Variants in PARP14 observed in about 807,000 individuals in gnomAD.
PARP14 encodes the protein poly(ADP-ribose) polymerase family member 14.
Under a neutral mutation model 154.2 loss-of-function variants are expected in PARP14, and 59 were observed. The ratio of observed to expected loss-of-function variants is 0.38; its 90% confidence interval spans 0.31 to 0.48. PARP14 has a LOEUF of 0.48. PARP14 is among the 20% of genes least tolerant of loss of function. PARP14 has a pLI of 0.98. For synonymous variants in PARP14, 720 were observed against 780.5 expected (o/e 0.92, Z 1.29); for missense variants, 1,734 against 2,131.6 (o/e 0.81, Z 3.67).
At position 122,683,040 on chromosome 3, in the gene PARP14, C is replaced by A. The variant is rs530366443; in HGVS notation, c.187+1970C>A. Among the ~76,000 whole-genome samples, 20 of 152,204 alleles carry A rather than the reference C, an allele frequency of 1.3e-4. No homozygotes were observed. In the East Asian group the frequency reaches 3.9e-3, roughly 29 times the overall value. On this transcript the variant is annotated intron_variant, in intron 1 of 16. Transcript: ENST00000474629. ...ACTGCACTCCAGCCTGGCAACAGAG[C>A]AAGACTCCATCTAAAACAAAACAAA...
intron 9 of PARP14, among the ~76,000 whole-genome samples, chr3:122,712,288 G>A (rs1397569999): frequency 2.7e-5 from 4 of 149,050 alleles, no homozygotes; most frequent in Non-Finnish European, 5.9e-5. Flanking sequence ...CTGTTGCCCA[G>A]TCTGGAGTGC....
intron 9 of PARP14, among the ~76,000 whole-genome samples, chr3:122,711,669 T>G (rs1016772941): frequency 6.6e-6 from 1 of 152,206 alleles, no homozygotes; most frequent in African/African-American, 2.4e-5. Flanking sequence ...TACCAATTCT[T>G]TGAATGTCTG....
Position 122,681,209 on chromosome 3 carries a change from G to A in PARP14, c.187+139G>A, listed in dbSNP as rs1576576230. ...CGGAGGTGGCCGGGGCGGGGGCGGGGGCGGGGGCGGCAGAATGGATTCCGA... is the reference window on the plus strand; with the variant it reads ...CGGAGGTGGCCGGGGCGGGGGCGGGAGCGGGGGCGGCAGAATGGATTCCGA... On this transcript the variant is annotated intron_variant, in intron 1 of 16. Coordinates refer to ENST00000474629, the MANE Select transcript of PARP14 (RefSeq NM_017554.3). This position sits in a 1 kb window ranked among gnomAD's most constrained non-coding sequence, Gnocchi z 5.5. 1.8e-6 allele frequency: 1 copy of A among 565,208 alleles called. No individual in the cohort carries two copies. Among genetic ancestry groups the A allele is most frequent in the South Asian group, 2.1e-5 (1 of 48,136 alleles). The allele number at this position is 565,208 out of a possible 1,614,324, so 35.0% of individuals were successfully genotyped here. A position where few individuals can be genotyped will look rare whatever the true frequency, so the allele number is the denominator to read the frequency against.
chr3:122,683,534 A>G (rs1016475289), intron 1 of PARP14, among the ~76,000 whole-genome samples: 2 of 152,228 alleles, frequency 1.3e-5, no homozygotes, highest in Non-Finnish European at 2.9e-5. Context: ...TACTTTACCA[A>G]CATAGTTTGG....
intron 3 of PARP14, among the ~76,000 whole-genome samples, chr3:122,690,792 A>AC (rs1938516839): frequency 6.6e-6 from 1 of 152,184 alleles, no homozygotes; most frequent in South Asian, 2.1e-4. Flanking sequence ...GATTACAGGC[A>AC]TGAGCCACTG....
chr3:122,685,445 A>G, intron 2 of PARP14, 127 bp downstream of exon 2: 1 of 866,244 alleles, frequency 1.2e-6, no homozygotes, highest in East Asian at 2.7e-5. Context: ...AAAGCAGATT[A>G]CAAATGTAGG....
intron 1 of PARP14, among the ~76,000 whole-genome samples, chr3:122,683,064 AAAAC>A (rs902886622): frequency 9.2e-5 from 14 of 152,058 alleles, no homozygotes; most frequent in African/African-American, 2.9e-4. Flanking sequence ...AAACAAAACA[AAAAC>A]AAACAAACAA....
chr3:122,683,330 T>A (rs1443748377), intron 1 of PARP14: 3 of 975,908 alleles, frequency 3.1e-6, no homozygotes, highest in Admixed American at 6.2e-5. Context: ...ATAACCTGAT[T>A]TGATTCATAT....
rs912637371 is a variant in PARP14 at position 122,721,095 on chromosome 3, G to A, written c.4941+707G>A. The stretch of plus-strand genomic sequence containing the variant: ...TTCTTTTCATTTTTGCAGGCACGCT[G>A]TTTCTCTTCCAAACCCCTAATTCTA... On this transcript the variant is annotated intron_variant, in intron 15 of 16. Coordinates refer to ENST00000474629, the MANE Select transcript of PARP14 (RefSeq NM_017554.3). 10 of 335,600 alleles carry A rather than the reference G, an allele frequency of 3.0e-5. No individual in the cohort carries two copies. In the East Asian group the frequency reaches 4.4e-4, roughly 15 times the overall value. 20.8% of individuals were successfully genotyped at this position (335,600 alleles called of 1,614,324 possible).
rs375767532 is a variant in PARP14, at chr3:122,718,091, G to A, written c.4021G>A (p.Asp1341Asn). 2.0e-5 allele frequency: 32 copies of A among 1,613,678 alleles called. No individual in the cohort carries two copies. In the African/African-American group the frequency reaches 3.9e-4, roughly 20 times the overall value. The change falls in exon 13 of 17, where the codon GAT (aspartate) becomes AAT (asparagine). Residue 1341 changes from aspartate to asparagine, a missense_variant. Physicochemically the swap from Asp to Asn is conservative, Grantham distance 23. Transcript: ENST00000474629. ...TCCAGGAAATGCCAAACAACACCCA[G>A]ATAAGGTTGCTGAAGCCATAATTGA... is the stretch of plus-strand genomic sequence containing the variant. ...IGTGNAKQHP[D>N]KVAEAIIDAI...
rs1268955609 is a variant in PARP14 at position 122,730,131 on chromosome 3, TGCAAGAA to T, written c.*1537_*1543del. 7.9e-5 allele frequency: 12 copies of T among 152,130 alleles called. No homozygotes were observed. The highest frequency in any genetic ancestry group is 2.9e-4 in the African/African-American group (12 of 41,418). 9.4% of individuals were successfully genotyped at this position (152,130 alleles called of 1,614,324 possible). ...GAAACTTGAGGAAACATGCTCAGAGTGCAAGAAGCTTCCTTGCCTGAGATCACCTAGA... is the reference window on the plus strand; with the variant it reads ...GAAACTTGAGGAAACATGCTCAGAGTGCTTCCTTGCCTGAGATCACCTAGA... On this transcript the variant is annotated 3_prime_UTR_variant, in exon 17 of 17. Transcript: ENST00000474629.
chr3:122,720,722 C>T (rs965932356), intron 15 of PARP14: 6 of 464,266 alleles, frequency 1.3e-5, no homozygotes, highest in Non-Finnish European at 2.6e-5. Context: ...TGCAGAGGCT[C>T]CTTAGATCAG....
intron 1 of PARP14, among the ~76,000 whole-genome samples, chr3:122,684,293 T>G (rs1438016276): frequency 6.6e-6 from 1 of 152,222 alleles, no homozygotes; most frequent in Non-Finnish European, 1.5e-5. Context: ...TATCTGACTA[T>G]GTTGATCATG....
chr3:122,720,128 C>A, intron 14 of PARP14, 127 bp from the exon 15 acceptor site: 1 of 923,180 alleles, frequency 1.1e-6, no homozygotes, highest in South Asian at 1.7e-5. Context: ...GAAAAGCGTT[C>A]TCCTAGAAAG....
intron 6 of PARP14, among the ~76,000 whole-genome samples, chr3:122,703,111 TC>T (rs1231704756): frequency 6.6e-6 from 1 of 151,882 alleles, no homozygotes; most frequent in Middle Eastern, 3.4e-3. Flanking sequence ...TCTGCATTAC[TC>T]CTTAGTGACC....
At chr3:122,722,992 G>A (rs1933196934) in intron 15 of PARP14, among the ~76,000 whole-genome samples, 1 of 150,518 alleles carries the variant, frequency 6.6e-6, no homozygotes, top group Non-Finnish European at 1.5e-5. Context: ...CTGGAGTGCA[G>A]TGGCGCGATC....
At chr3:122,706,924 T>C (rs73856261) in intron 8 of PARP14, among the ~76,000 whole-genome samples, 3 of 151,994 alleles carry the variant, frequency 2.0e-5, no homozygotes, top group African/African-American at 7.3e-5. Context: ...TTGGTACAAA[T>C]AGGAAATTAA....
At chr3:122,682,089 G>A (rs1166298847) in intron 1 of PARP14, among the ~76,000 whole-genome samples, 2 of 152,168 alleles carry the variant, frequency 1.3e-5, no homozygotes, top group African/African-American at 2.4e-5. Flanking sequence ...GCGCACAGAA[G>A]GAAGGAAGGA....
Position 122,680,846 on chromosome 3 carries a change from G to A in PARP14, c.-38G>A. On this transcript the variant is annotated 5_prime_UTR_variant, in exon 1 of 17. Transcript: ENST00000474629. The stretch of plus-strand genomic sequence containing the variant: ...AGTCAAAGTTAGCGGCCCGGAGTTG[G>A]CGCGGCCCCTGCAGTCCGGCGGAGA... The A allele has an allele frequency of 6.5e-7, 1 of 1,535,292 alleles. No homozygotes were observed.
Sources: gnomAD v4.1 joint callset for allele counts (sites outside exome capture counted in the v4.1 genomes callset) on GRCh38, gnomAD v4.1.1 for gene constraint, Gnocchi (gnomAD v3.1) non-coding constraint, MANE v1.5 for transcripts, NCBI Gene and HGNC (gene_info 2026-07-23, HGNC 2026-07-21) for gene names.